ZDHHC11: variants seen among roughly 807,000 people sequenced by gnomAD.
The protein encoded by ZDHHC11 is zDHHC palmitoyltransferase 11, also known as palmitoyltransferase ZDHHC11.
In ZDHHC11, 44 loss-of-function variants were observed where a neutral mutation model predicts 51.3. The ratio of observed to expected loss-of-function variants is 0.86; its 90% CI spans 0.67 to 1.10. The LOEUF is 1.10. Ranked by LOEUF, ZDHHC11 falls within the 50% of genes least tolerant of loss-of-function variation. ZDHHC11 has a pLI of 0.00. For synonymous variants in ZDHHC11, 163 were observed against 222.0 expected, an observed-to-expected ratio of 0.73 and a Z score of 2.36; for missense variants, 400 against 537.7, an observed-to-expected ratio of 0.74 and a Z score of 2.53.
chr5:844,972 C>T (rs1335209942), intron 3 of ZDHHC11, among the ~76,000 whole-genome samples: 2 of 152,304 alleles, frequency 1.3e-5, no homozygotes, highest in African/African-American at 4.8e-5. Flanking sequence ...CTTTAACCTC[C>T]TTTAATCCTT....
intron 11 of ZDHHC11, among the ~76,000 whole-genome samples, chr5:805,298 C>T (rs12517353): frequency 0.65 from 97,429 of 148,846 alleles, 37,479 homozygotes; most frequent in Non-Finnish European, 0.86. Context: ...ATTAGCCAGG[C>T]GTGGTGATGT....
chr5:818,346 A>C (rs1401860342), intron 10 of ZDHHC11, among the ~76,000 whole-genome samples: 1 of 151,546 alleles, frequency 6.6e-6, no homozygotes, highest in Non-Finnish European at 1.5e-5. Context: ...GTTTCCACTG[A>C]GTGTCTCCAT....
upstream of ZDHHC11, among the ~76,000 whole-genome samples, chr5:860,245 C>G (rs1379133169): frequency 6.6e-6 from 1 of 152,200 alleles, no homozygotes; most frequent in Non-Finnish European, 1.5e-5. The surrounding 1 kb of genome is among the most constrained non-coding windows in gnomAD (Gnocchi z 4.2). Context: ...GCTGCTCTGG[C>G]CAGAGAGGCT....
intron 7 of ZDHHC11, 117 bp downstream of exon 7, chr5:833,656 C>G (rs1268667930): frequency 1.6e-6 from 1 of 612,686 alleles, no homozygotes; most frequent in African/African-American, 1.9e-5. Context: ...CTGCATCATC[C>G]CATGATTTCA....
intron 6 of ZDHHC11, among the ~76,000 whole-genome samples, chr5:834,494 T>G (rs1256821545): frequency 3.9e-5 from 6 of 152,098 alleles, no homozygotes; most frequent in Non-Finnish European, 7.4e-5. Flanking sequence ...TTTGAAAAAC[T>G]GAGTTTTCTG....
chr5:849,109 C>T (rs544870927), intron 1 of ZDHHC11, among the ~76,000 whole-genome samples: 27 of 151,720 alleles, frequency 1.8e-4, no homozygotes, highest in Non-Finnish European at 2.9e-4. Context: ...GTCCACCCGT[C>T]GGCCCTGCAC....
chr5:824,405 G>A (rs950848288), intron 8 of ZDHHC11, among the ~76,000 whole-genome samples: 2 of 151,476 alleles, frequency 1.3e-5, no homozygotes, highest in Non-Finnish European at 3.0e-5. Flanking sequence ...AGGCTGCAGT[G>A]AGCCATTATC....
intron 4 of ZDHHC11, chr5:841,219 T>A (rs1236433090): frequency 3.5e-5 from 36 of 1,033,828 alleles, no homozygotes; most frequent in Non-Finnish European, 3.9e-5. Flanking sequence ...GGGGTCACAG[T>A]GCCTGCCGGC....
upstream of ZDHHC11, among the ~76,000 whole-genome samples, chr5:860,111 C>T (rs1748713346): frequency 6.6e-6 from 1 of 152,194 alleles, no homozygotes; most frequent in Non-Finnish European, 1.5e-5. This position sits in a 1 kb window ranked among gnomAD's most constrained non-coding sequence, Gnocchi z 4.2. Context: ...GTCAGGGGCA[C>T]ACACGAGGTA....
intron 7 of ZDHHC11, among the ~76,000 whole-genome samples, chr5:825,703 G>A (rs532300236): frequency 0.018 from 2,595 of 146,500 alleles, 15 homozygotes; most frequent in African/African-American, 0.068. Flanking sequence ...TTTGGAAGAT[G>A]CCATAGGCCA....
At chr5:853,970 C>T (rs554976418), upstream of ZDHHC11, among the ~76,000 whole-genome samples, 2 of 145,404 alleles carry the variant, frequency 1.4e-5, no homozygotes, top group South Asian at 2.2e-4. Flanking sequence ...GGGGGACAGA[C>T]CCCACAGAGG....
At chr5:859,406 A>G (rs1748671168), upstream of ZDHHC11, among the ~76,000 whole-genome samples, 1 of 152,136 alleles carries the variant, frequency 6.6e-6, no homozygotes, top group African/African-American at 2.4e-5. Context: ...GCTGACTAGG[A>G]TTGCAACGCG....
At chr5:821,659 C>G (rs557150421) in intron 9 of ZDHHC11, among the ~76,000 whole-genome samples, 8 of 151,300 alleles carry the variant, frequency 5.3e-5, no homozygotes, top group Non-Finnish European at 8.9e-5. Flanking sequence ...ATCACAGAGC[C>G]TTTAAAAGAA....
At chr5:854,178 G>GTGA (rs1747770186), upstream of ZDHHC11, among the ~76,000 whole-genome samples, 1 of 147,588 alleles carries the variant, frequency 6.8e-6, no homozygotes, top group Non-Finnish European at 1.5e-5. Flanking sequence ...ACAGAGGACA[G>GTGA]CGAGCCGGGG....
chr5:821,910 A>G lies in ZDHHC11; in HGVS notation c.1024-15T>C, dbSNP rs1161675537. On this transcript the variant is annotated splice_polypyrimidine_tract_variant and intron_variant, in intron 8 of 12. Coordinates refer to ENST00000283441, the MANE Select transcript of ZDHHC11 (RefSeq NM_024786.3). ...TCATCCCCTTCCTGTGGGGAAGTGA[A>G]GCAAAATTCATAGAATGAATTGACA... 2 of 1,599,722 alleles carry G rather than the reference A, an allele frequency of 1.3e-6. No individual in the cohort carries two copies. The highest frequency in any genetic ancestry group is 1.7e-5 in the Admixed American group (1 of 58,780).
chr5:817,420 GACAGCTTTCCTTCAC>G (rs1740951763), intron 10 of ZDHHC11, among the ~76,000 whole-genome samples: 1 of 151,342 alleles, frequency 6.6e-6, no homozygotes, highest in Admixed American at 6.6e-5. Context: ...CCTTCCGTAT[GACAGCTTTCCTTCAC>G]ACACTATTTT....
At chr5:843,966 A>AGGGGTGGG (rs1745630407) in intron 3 of ZDHHC11, among the ~76,000 whole-genome samples, 1 of 63,022 alleles carries the variant, frequency 1.6e-5, no homozygotes, top group Non-Finnish European at 2.5e-5. Flanking sequence ...TGGGGGGTGC[A>AGGGGTGGG]GAGGCAGGGG....
chr5:819,415 C>T (rs1232184733), intron 10 of ZDHHC11, 110 bp downstream of exon 10: 8 of 1,172,790 alleles, frequency 6.8e-6, no homozygotes, highest in East Asian at 2.4e-5. Flanking sequence ...CCCTTGGACA[C>T]AGAGTGCTTC....
upstream of ZDHHC11, among the ~76,000 whole-genome samples, chr5:854,347 T>G (rs1171155502): frequency 0.014 from 959 of 68,630 alleles, no homozygotes; most frequent in Middle Eastern, 0.041. Context: ...CAGCGAGCCG[T>G]GGGGACAGAA....
Sources: gnomAD v4.1 joint callset for allele counts (sites outside exome capture counted in the v4.1 genomes callset) on GRCh38, gnomAD v4.1.1 for gene constraint, Gnocchi (gnomAD v3.1) non-coding constraint, MANE v1.5 for transcripts, NCBI Gene and HGNC (gene_info 2026-07-23, HGNC 2026-07-21) for gene names.